RAP1B: variants seen among roughly 807,000 people sequenced by gnomAD.
RAP1B encodes RAP1B, member of RAS oncogene family.
RAP1B carries 1 observed loss-of-function variant against 27.5 expected under a neutral mutation model. The observed-to-expected ratio is 0.04, with a 90% CI of 0.01 to 0.17. RAP1B has a LOEUF of 0.17. Ranked by LOEUF, RAP1B falls within the 10% of genes least tolerant of loss-of-function variation. The pLI is 1.00. For synonymous variants in RAP1B, 75 were observed against 73.1 expected, an observed-to-expected ratio of 1.03 and a Z score of -0.13; for missense variants, 84 against 214.8, an observed-to-expected ratio of 0.39 and a Z score of 3.81.
chr12:68,651,777 G>GAAC (rs1229272887), intron 3 of RAP1B: 2 of 501,526 alleles, frequency 4.0e-6, no homozygotes, highest in Non-Finnish European at 7.3e-6. Flanking sequence ...GTTGACTTGA[G>GAAC]AACACATGGC....
rs1874552748 is a variant in RAP1B at position 68,660,784 on chromosome 12, A to G, written c.*1535A>G. ...ATCAAGCAGTATTACTTACGAATAA[A>G]TGCCTTTGGGTAATGTTCAGTAGCT... On this transcript the variant is annotated 3_prime_UTR_variant, in exon 8 of 8. Coordinates refer to ENST00000250559, the MANE Select transcript of RAP1B (RefSeq NM_001010942.3). 1 of 152,210 alleles carries G rather than the reference A, an allele frequency of 6.6e-6. No individual in the cohort carries two copies. Among genetic ancestry groups the G allele is most frequent in the Non-Finnish European group, 1.5e-5 (1 of 68,026 alleles). The allele number at this position is 152,210 out of a possible 1,614,324, so 9.4% of individuals were successfully genotyped here.
Position 68,668,636 on chromosome 12 carries a change from T to C in RAP1B, c.*9387T>C, listed in dbSNP as rs1438787107. The C allele has an allele frequency of 2.6e-5, 4 of 152,238 alleles. No homozygotes were observed. The highest frequency in any genetic ancestry group is 1.3e-4 in the Admixed American group (2 of 15,284). 9.4% of individuals were successfully genotyped at this position (152,238 alleles called of 1,614,324 possible). ...AATCTGAAATCATCCCTGCACAGAC[T>C]TTCTTGGCTCTTCTTTTCTGCCGTC... On this transcript the variant is annotated 3_prime_UTR_variant, in exon 8 of 8. Transcript: ENST00000250559.
At chr12:68,636,112 T>A (rs1872615704) in intron 1 of RAP1B, among the ~76,000 whole-genome samples, 5 of 151,976 alleles carry the variant, frequency 3.3e-5, no homozygotes, top group Admixed American at 2.6e-4. Context: ...CGCAAACTCC[T>A]GACCTCAAGT....
intron 1 of RAP1B, among the ~76,000 whole-genome samples, chr12:68,631,292 A>T (rs1340901934): frequency 6.6e-6 from 1 of 152,138 alleles, no homozygotes; most frequent in South Asian, 2.1e-4. Context: ...TCCATTTGGT[A>T]TGCTATTTCT....
intron 5 of RAP1B, among the ~76,000 whole-genome samples, chr12:68,654,467 G>A (rs1874055305): frequency 6.6e-6 from 1 of 150,814 alleles, no homozygotes; most frequent in Admixed American, 6.6e-5. Flanking sequence ...CCATTATCCT[G>A]TGAAAATTAA....
chr12:68,642,894 A>G (rs1873122609), intron 1 of RAP1B: 2 of 959,218 alleles, frequency 2.1e-6, no homozygotes, highest in Non-Finnish European at 3.4e-6. Flanking sequence ...GTCTCATTCC[A>G]GGATTTCAGG....
chr12:68,630,939 T>C (rs746053567), intron 1 of RAP1B, among the ~76,000 whole-genome samples: 1 of 152,146 alleles, frequency 6.6e-6, no homozygotes, highest in African/African-American at 2.4e-5. Flanking sequence ...TTTGTTTTTT[T>C]TTTCATGTAC....
intron 5 of RAP1B, among the ~76,000 whole-genome samples, 182 bp downstream of exon 5, chr12:68,654,434 A>T (rs1366291041): frequency 6.6e-6 from 1 of 151,706 alleles, no homozygotes; most frequent in Non-Finnish European, 1.5e-5. Flanking sequence ...TATCATGTGG[A>T]AAGTGAGAAA....
chr12:68,617,435 T>C (rs1231999968), intron 1 of RAP1B, among the ~76,000 whole-genome samples: 3 of 152,218 alleles, frequency 2.0e-5, no homozygotes, highest in Non-Finnish European at 2.9e-5. Context: ...ATATAACATA[T>C]GTTATCTGTT....
At chr12:68,611,414 G>C (rs1870574164) in intron 1 of RAP1B, among the ~76,000 whole-genome samples, 1 of 93,318 alleles carries the variant, frequency 1.1e-5, no homozygotes. Flanking sequence ...TCCTTTCCCC[G>C]CCGGCTCCCC....
chr12:68,671,256 A>C lies in RAP1B; in HGVS notation c.*12007A>C, dbSNP rs922297779. ...AGAGGTAAAGGGCAAGAAATGAATC[A>C]TTTATTGCTGATGGAAATGTGCATT... is the stretch of plus-strand genomic sequence containing the variant. On this transcript the variant is annotated 3_prime_UTR_variant, in exon 8 of 8. Transcript: ENST00000250559. The C allele has an allele frequency of 6.6e-6, 1 of 152,146 alleles. No individual in the cohort carries two copies. Among genetic ancestry groups the C allele is most frequent in the African/African-American group, 2.4e-5 (1 of 41,424 alleles). 9.4% of individuals were successfully genotyped at this position (152,146 alleles called of 1,614,324 possible). A position where few individuals can be genotyped will look rare whatever the true frequency, so the allele number is the denominator to read the frequency against.
intron 1 of RAP1B, among the ~76,000 whole-genome samples, chr12:68,614,670 AAATTG>A (rs746023188): frequency 6.6e-6 from 1 of 152,238 alleles, no homozygotes; most frequent in Non-Finnish European, 1.5e-5. Flanking sequence ...TAGCCTTTTC[AAATTG>A]AATTGAATTT....
chr12:68,648,525 G>A lies in RAP1B; in HGVS notation c.-26-174G>A, dbSNP rs941686501. ...TCAAAGTCATGTCTGTAATTCTGTA[G>A]TTTTCTTCTACCTCTGAGCATCTTT... is the stretch of plus-strand genomic sequence containing the variant. On this transcript the variant is annotated intron_variant, in intron 1 of 7. Transcript: ENST00000250559. 6.7e-5 allele frequency: 39 copies of A among 577,788 alleles called. No individual in the cohort carries two copies. The East Asian group carries it at 1.1e-3, about 17-fold the overall frequency. 35.8% of individuals were successfully genotyped at this position (577,788 alleles called of 1,614,324 possible).
Position 68,659,262 on chromosome 12 carries a change from T to A in RAP1B, c.*31-18T>A. On this transcript the variant is annotated intron_variant, in intron 7 of 7. Transcript: ENST00000250559. ...TTTTCTAGCCCATGTTTTTAATTAA[T>A]TTTTTTCCTTTTGACAGGTCTGAAG... The A allele has an allele frequency of 2.2e-6, 1 of 456,678 alleles. No individual in the cohort carries two copies. Among genetic ancestry groups the A allele is most frequent in the South Asian group, 1.6e-5 (1 of 64,466 alleles). 28.3% of individuals were successfully genotyped at this position (456,678 alleles called of 1,614,324 possible).
intron 1 of RAP1B, among the ~76,000 whole-genome samples, chr12:68,640,738 T>A (rs943365241): frequency 7.2e-5 from 11 of 152,176 alleles, no homozygotes; most frequent in African/African-American, 2.7e-4. Context: ...TACAGTTGAA[T>A]CTTAGGAAGA....
At chr12:68,624,375 T>C (rs922896113) in intron 1 of RAP1B, 3 of 152,200 alleles carry the variant, frequency 2.0e-5, no homozygotes, top group African/African-American at 7.2e-5. Context: ...TTTAGTCTTA[T>C]AAGGTATTAG....
intron 1 of RAP1B, chr12:68,641,084 T>C (rs1446912664): frequency 6.6e-6 from 1 of 152,226 alleles, no homozygotes; most frequent in African/African-American, 2.4e-5. Flanking sequence ...CAAACATGGG[T>C]CACTGCAGCC....
rs1261515838 is a variant in RAP1B at position 68,669,835 on chromosome 12, G to T, written c.*10586G>T. 6.6e-6 allele frequency: 1 copy of T among 151,336 alleles called. No homozygotes were observed. Among genetic ancestry groups the T allele is most frequent in the Non-Finnish European group, 1.5e-5 (1 of 68,004 alleles). 9.4% of individuals were successfully genotyped at this position (151,336 alleles called of 1,614,324 possible). On this transcript the variant is annotated 3_prime_UTR_variant, in exon 8 of 8. Transcript: ENST00000250559. ...AAAAAGAAAAGAAATTAAGCAAAATGATCTTAAAGTTCAAGTGAAAGAGTA... is the reference window on the plus strand; with the variant it reads ...AAAAAGAAAAGAAATTAAGCAAAATTATCTTAAAGTTCAAGTGAAAGAGTA...
At chr12:68,630,212 C>G (rs1421481016) in intron 1 of RAP1B, among the ~76,000 whole-genome samples, 1 of 152,196 alleles carries the variant, frequency 6.6e-6, no homozygotes, top group Non-Finnish European at 1.5e-5. Context: ...AGGCTCTAGC[C>G]TATAGTGCAA....
Sources: gnomAD v4.1 joint callset for allele counts (sites outside exome capture counted in the v4.1 genomes callset) on GRCh38, gnomAD v4.1.1 for gene constraint, MANE v1.5 for transcripts, NCBI Gene and HGNC (gene_info 2026-07-23, HGNC 2026-07-21) for gene names.